Variants in ASB3 observed in about 807,000 individuals in gnomAD.
The protein encoded by ASB3 is ankyrin repeat and SOCS box protein 3.
Under a neutral mutation model 54.5 loss-of-function variants are expected in ASB3, and 41 were observed. The ratio of observed to expected loss-of-function variants is 0.75; its 90% CI spans 0.59 to 0.98. ASB3 has a LOEUF of 0.98. ASB3 is among the 50% of genes least tolerant of loss of function. The probability of loss-of-function intolerance (pLI) is 0.00; values close to 1 mark genes in which losing one functional copy is unlikely to be tolerated. For synonymous variants in ASB3, 266 were observed against 221.2 expected, an observed-to-expected ratio of 1.20 and a Z score of -1.80; for missense variants, 733 against 620.0, an observed-to-expected ratio of 1.18 and a Z score of -1.94.
chr2:53,761,744 T>G (rs959432813), intron 2 of ASB3, among the ~76,000 whole-genome samples: 5 of 152,228 alleles, frequency 3.3e-5, no homozygotes, highest in African/African-American at 1.2e-4. Context: ...TCCCCTCTTG[T>G]CTATCTATAT....
chr2:53,739,431 G>C (rs1030022966), intron 3 of ASB3, among the ~76,000 whole-genome samples: 2 of 152,058 alleles, frequency 1.3e-5, no homozygotes, highest in African/African-American at 2.4e-5. Context: ...ACTAGAAATA[G>C]TAAATAATGA....
chr2:53,721,123 TATAAATAAATAAATAAATAA>T (rs35978677), intron 5 of ASB3, among the ~76,000 whole-genome samples: 1 of 141,372 alleles, frequency 7.1e-6, no homozygotes, highest in Non-Finnish European at 1.5e-5. Context: ...TCTCCAGAAA[TATAAATAAATAAATAAATAA>T]ATAAATAAAT....
chr2:53,675,559 G>A (rs1301426926), intron 9 of ASB3, among the ~76,000 whole-genome samples: 1 of 152,122 alleles, frequency 6.6e-6, no homozygotes, highest in African/African-American at 2.4e-5. Flanking sequence ...AATGGGAGAA[G>A]TACACTGTGG....
chr2:53,781,186 T>A (rs1490812275), intron 1 of ASB3, among the ~76,000 whole-genome samples: 4 of 151,936 alleles, frequency 2.6e-5, no homozygotes, highest in Non-Finnish European at 4.4e-5. Context: ...AGGGGGCAAA[T>A]CACTTGAGCC....
intron 2 of ASB3, among the ~76,000 whole-genome samples, chr2:53,759,860 T>A (rs750689717): frequency 6.6e-6 from 1 of 152,068 alleles, no homozygotes; most frequent in Non-Finnish European, 1.5e-5. Flanking sequence ...ACTGAGGGTG[T>A]CCGGGGCAAG....
chr2:53,723,349 A>C (rs550019554), intron 5 of ASB3, among the ~76,000 whole-genome samples: 2 of 151,924 alleles, frequency 1.3e-5, no homozygotes, highest in African/African-American at 4.8e-5. Context: ...TTTGATTTTC[A>C]TAAGTTATTG....
intron 9 of ASB3, among the ~76,000 whole-genome samples, chr2:53,678,483 T>C (rs1365614839): frequency 6.6e-6 from 1 of 152,240 alleles, no homozygotes; most frequent in Non-Finnish European, 1.5e-5. Context: ...TTTAAGCCAC[T>C]TGACCAATTT....
chr2:53,731,812 T>A (rs1671333240), intron 3 of ASB3, among the ~76,000 whole-genome samples: 1 of 151,958 alleles, frequency 6.6e-6, no homozygotes, highest in African/African-American at 2.4e-5. Flanking sequence ...GCAATCATGC[T>A]CGGCTACTTT....
At chr2:53,732,908 C>T (rs974932128) in intron 3 of ASB3, among the ~76,000 whole-genome samples, 59 of 152,294 alleles carry the variant, frequency 3.9e-4, no homozygotes, top group Middle Eastern at 3.4e-3. Flanking sequence ...ATGGAAATAT[C>T]AAATTGGATG....
chr2:53,728,904 T>C (rs962176724), intron 4 of ASB3, 57 bp from the exon 5 acceptor site: 16 of 1,512,434 alleles, frequency 1.1e-5, no homozygotes, highest in Non-Finnish European at 1.3e-5. Context: ...AGAAGGTATC[T>C]TTCTTCTTAC....
rs116788172 is a variant in ASB3, at chr2:53,707,887, G to A, written c.980+6497C>T. Reference sequence around the variant, plus strand: ...TGACGCACGAGAATTGCATAAACTCGGGAGGTGGTGGTTGCAGTGAGCCGA... The same window carrying A: ...TGACGCACGAGAATTGCATAAACTCAGGAGGTGGTGGTTGCAGTGAGCCGA... On this transcript the variant is annotated intron_variant, in intron 7 of 9. Coordinates refer to ENST00000263634, the MANE Select transcript of ASB3 (RefSeq NM_016115.5). 7.7e-3 allele frequency among the ~76,000 whole-genome samples: 1,167 copies of A among 150,752 alleles called. 18 individuals carry two copies. The highest frequency in any genetic ancestry group is 8.4e-3 in the Non-Finnish European group (568 of 67,690).
intron 9 of ASB3, among the ~76,000 whole-genome samples, chr2:53,691,706 G>C (rs1668922828): frequency 6.6e-6 from 1 of 152,126 alleles, no homozygotes; most frequent in Non-Finnish European, 1.5e-5. Flanking sequence ...GATGAGTAAA[G>C]GGTGCCCCCA....
chr2:53,707,380 G>A (rs752162600), intron 7 of ASB3, among the ~76,000 whole-genome samples: 8 of 152,146 alleles, frequency 5.3e-5, no homozygotes, highest in Non-Finnish European at 2.9e-5. Flanking sequence ...GGTGGCTCAC[G>A]CCTGTAATCC....
chr2:53,774,124 C>A (rs1407972990), intron 1 of ASB3: 6 of 1,571,600 alleles, frequency 3.8e-6, no homozygotes, highest in Non-Finnish European at 5.2e-6. Flanking sequence ...CCAGTGTATT[C>A]TTTTCATTTT....
intron 3 of ASB3, among the ~76,000 whole-genome samples, chr2:53,747,745 G>A (rs1324919341): frequency 6.6e-6 from 1 of 152,088 alleles, no homozygotes; most frequent in Non-Finnish European, 1.5e-5. Context: ...CTAGTTAAGG[G>A]GGCAGTAAAT....
Position 53,670,271 on chromosome 2 carries a change from GTAATA to G in ASB3, c.*227_*231del. 1 of 388,606 alleles carries G rather than the reference GTAATA, an allele frequency of 2.6e-6. No homozygotes were observed. The highest frequency in any genetic ancestry group is 4.6e-5 in the South Asian group (1 of 21,950). The allele number at this position is 388,606 out of a possible 1,614,324, so 24.1% of individuals were successfully genotyped here. A position where few individuals can be genotyped will look rare whatever the true frequency, so the allele number is the denominator to read the frequency against. ...GTACTGGTGATGAAGCTGCAATAAA[GTAATA>G]TAAGTGATGTTTACAATTTTTTTTT... On this transcript the variant is annotated 3_prime_UTR_variant, in exon 10 of 10. Coordinates refer to ENST00000263634, the MANE Select transcript of ASB3 (RefSeq NM_016115.5).
chr2:53,741,348 G>A (rs1232409733), intron 3 of ASB3, among the ~76,000 whole-genome samples: 1 of 152,200 alleles, frequency 6.6e-6, no homozygotes, highest in Non-Finnish European at 1.5e-5. Flanking sequence ...ACTCAACATT[G>A]TCACAAACTG....
chr2:53,735,273 A>T (rs1448854718), intron 3 of ASB3, among the ~76,000 whole-genome samples: 1 of 152,080 alleles, frequency 6.6e-6, no homozygotes, highest in Admixed American at 6.6e-5. Context: ...TACTGAGCAA[A>T]TTCATCTCTA....
chr2:53,771,349 C>G (rs1035877576), intron 1 of ASB3, among the ~76,000 whole-genome samples: 9 of 152,022 alleles, frequency 5.9e-5, no homozygotes, highest in Non-Finnish European at 1.2e-4. Context: ...CCCGTCTCTA[C>G]TAAAAATACA....
Sources: gnomAD v4.1 joint callset for allele counts (sites outside exome capture counted in the v4.1 genomes callset) on GRCh38, gnomAD v4.1.1 for gene constraint, MANE v1.5 for transcripts, NCBI Gene and HGNC (gene_info 2026-07-23, HGNC 2026-07-21) for gene names.